Variants in SDK1 observed in about 807,000 individuals in gnomAD.
SDK1 encodes the protein protein sidekick-1.
Under a neutral mutation model 245.5 loss-of-function variants are expected in SDK1, and 157 were observed. That is an observed-to-expected ratio of 0.64 (90% CI 0.56 to 0.73). SDK1 has a LOEUF of 0.73. SDK1 is among the 30% of genes least tolerant of loss of function. The probability of loss-of-function intolerance (pLI) is 0.00; values close to 1 mark genes in which losing one functional copy is unlikely to be tolerated. For missense variants in SDK1, 3,583 were observed against 3,002.3 expected, an observed-to-expected ratio of 1.19 and a Z score of -4.52; for synonymous variants, 1,647 against 1,278.5, an observed-to-expected ratio of 1.29 and a Z score of -6.15.
At chr7:3,438,506 G>C (rs1780095344) in intron 1 of SDK1, among the ~76,000 whole-genome samples, 1 of 152,198 alleles carries the variant, frequency 6.6e-6, no homozygotes, top group East Asian at 1.9e-4. Flanking sequence ...GACAGCTGCA[G>C]AGACACTGCC....
intron 5 of SDK1, among the ~76,000 whole-genome samples, chr7:3,860,137 G>A (rs1361757764): frequency 6.6e-6 from 1 of 151,972 alleles, no homozygotes; most frequent in Non-Finnish European, 1.5e-5. Flanking sequence ...AGCCAGGATG[G>A]TCTCACTCTC....
chr7:3,959,091 C>A, intron 8 of SDK1, 77 bp downstream of exon 8: 1 of 1,116,858 alleles, frequency 9.0e-7, no homozygotes, highest in Non-Finnish European at 1.4e-6. Flanking sequence ...AGCAGAATTG[C>A]CATCATTCTA....
chr7:3,448,460 G>A (rs1251960315), intron 1 of SDK1, among the ~76,000 whole-genome samples: 1 of 151,572 alleles, frequency 6.6e-6, no homozygotes, highest in Non-Finnish European at 1.5e-5. Flanking sequence ...AAGTGGTTTA[G>A]GGTATTTTTT....
chr7:4,249,955 A>G (rs1283524968), intron 44 of SDK1, among the ~76,000 whole-genome samples: 2 of 152,204 alleles, frequency 1.3e-5, no homozygotes, highest in Non-Finnish European at 2.9e-5. Flanking sequence ...TTGTGCAGCC[A>G]TCACCACAGT....
Position 3,615,189 on chromosome 7 carries a change from C to G in SDK1, c.299-3891C>G, listed in dbSNP as rs901570891. 2.0e-5 allele frequency among the ~76,000 whole-genome samples: 3 copies of G among 151,530 alleles called. 1 individual carries two copies. Among genetic ancestry groups the G allele is most frequent in the Admixed American group, 6.6e-5 (1 of 15,162 alleles). ...ACTGGAACCATATGAAGTGGCATTTCTTTTTCTGTTGTTAAACAGAGTGCA... is the reference window on the plus strand; with the variant it reads ...ACTGGAACCATATGAAGTGGCATTTGTTTTTCTGTTGTTAAACAGAGTGCA... On this transcript the variant is annotated intron_variant, in intron 1 of 44. Coordinates refer to ENST00000404826, the MANE Select transcript of SDK1 (RefSeq NM_152744.4).
chr7:3,934,629 C>A (rs1326612814), intron 5 of SDK1, among the ~76,000 whole-genome samples: 1 of 152,356 alleles, frequency 6.6e-6, no homozygotes, highest in African/African-American at 2.4e-5. Flanking sequence ...GCCAGATGCT[C>A]TGAAGCATGC....
intron 1 of SDK1, among the ~76,000 whole-genome samples, chr7:3,531,455 T>C (rs1041820689): frequency 6.6e-5 from 10 of 152,248 alleles, no homozygotes; most frequent in Admixed American, 2.0e-4. Context: ...TTAGCTACCA[T>C]GTCCTTTGGA....
intron 1 of SDK1, among the ~76,000 whole-genome samples, chr7:3,323,757 T>C (rs1428329200): frequency 6.6e-6 from 1 of 152,242 alleles, no homozygotes; most frequent in Non-Finnish European, 1.5e-5. Context: ...TTAAATGTGC[T>C]GTAGAATATG....
At chr7:3,597,004 C>G (rs979556267) in intron 1 of SDK1, among the ~76,000 whole-genome samples, 1 of 152,170 alleles carries the variant, frequency 6.6e-6, no homozygotes, top group Non-Finnish European at 1.5e-5. Flanking sequence ...AGCGAGGTGA[C>G]TCACACCTGT....
intron 1 of SDK1, among the ~76,000 whole-genome samples, chr7:3,427,496 G>A (rs1194276925): frequency 6.0e-5 from 9 of 149,164 alleles, no homozygotes; most frequent in Admixed American, 2.7e-4. Flanking sequence ...TGCAGCCTGG[G>A]TGAGAAGAGC....
At chr7:3,989,430 G>A (rs2128140222) in intron 14 of SDK1, among the ~76,000 whole-genome samples, 1 of 152,246 alleles carries the variant, frequency 6.6e-6, no homozygotes, top group Non-Finnish European at 1.5e-5. Context: ...ATTTGGGTGG[G>A]GACACAGGTG....
intron 5 of SDK1, among the ~76,000 whole-genome samples, chr7:3,890,184 A>G (rs1170331247): frequency 6.6e-6 from 1 of 152,188 alleles, no homozygotes; most frequent in Non-Finnish European, 1.5e-5. Flanking sequence ...TTCCAGATAC[A>G]GTGCTCTTTT....
intron 5 of SDK1, among the ~76,000 whole-genome samples, chr7:3,856,927 A>G (rs193079167): frequency 5.9e-5 from 9 of 152,336 alleles, no homozygotes; most frequent in African/African-American, 1.9e-4. Context: ...CAAGGTAAAC[A>G]GTGTTAAAAG....
chr7:4,095,984 C>A (rs941558692), intron 22 of SDK1, among the ~76,000 whole-genome samples: 1 of 152,212 alleles, frequency 6.6e-6, no homozygotes, highest in South Asian at 2.1e-4. Context: ...AAGAGGGGTT[C>A]CTGCTCCATC....
At chr7:3,911,808 A>C (rs902658434) in intron 5 of SDK1, among the ~76,000 whole-genome samples, 23 of 152,264 alleles carry the variant, frequency 1.5e-4, no homozygotes, top group Middle Eastern at 3.4e-3. Flanking sequence ...GCCCTGGAGG[A>C]GCTTAAGGGG....
intron 22 of SDK1, among the ~76,000 whole-genome samples, chr7:4,095,952 G>A (rs538312062): frequency 1.3e-5 from 2 of 152,322 alleles, no homozygotes; most frequent in East Asian, 1.9e-4. Context: ...TTATTTCCAT[G>A]TTTGGGGGCC....
intron 36 of SDK1, among the ~76,000 whole-genome samples, chr7:4,207,874 T>G (rs141983585): frequency 5.3e-4 from 80 of 152,274 alleles, no homozygotes; most frequent in Middle Eastern, 6.8e-3. Flanking sequence ...AGGAAAATGT[T>G]AAACATCGTC....
At chr7:3,320,091 C>G (rs1779764249) in intron 1 of SDK1, among the ~76,000 whole-genome samples, 1 of 151,844 alleles carries the variant, frequency 6.6e-6, no homozygotes, top group South Asian at 2.1e-4. Flanking sequence ...TTCCCCCTTT[C>G]CTCATTCTCT....
At chr7:3,418,470 C>T (rs1365985620) in intron 1 of SDK1, among the ~76,000 whole-genome samples, 1 of 152,134 alleles carries the variant, frequency 6.6e-6, no homozygotes, top group Non-Finnish European at 1.5e-5. Context: ...TTTCTGATCT[C>T]TGCTTATCAC....
Sources: gnomAD v4.1 joint callset for allele counts (sites outside exome capture counted in the v4.1 genomes callset) on GRCh38, gnomAD v4.1.1 for gene constraint, MANE v1.5 for transcripts, NCBI Gene and HGNC (gene_info 2026-07-23, HGNC 2026-07-21) for gene names.